The following UGT1A5 variants were observed in gnomAD, a reference collection of about 807,000 sequenced individuals.
UGT1A5 encodes UDP-glucuronosyltransferase 1A5.
Under a neutral mutation model 40.3 loss-of-function variants are expected in UGT1A5, and 29 were observed. The ratio of observed to expected loss-of-function variants is 0.72; its 90% CI spans 0.54 to 0.98. The LOEUF is 0.98. Ranked by LOEUF, UGT1A5 falls within the 50% of genes least tolerant of loss-of-function variation. UGT1A5 has a pLI of 0.00. For synonymous variants in UGT1A5, 257 were observed against 262.5 expected (o/e 0.98, Z 0.20); for missense variants, 678 against 677.9 (o/e 1.00, Z 0.00).
intron 1 of UGT1A5, chr2:233,753,313 T>C (rs1338043588): frequency 2.0e-5 from 3 of 152,278 alleles, no homozygotes; most frequent in Non-Finnish European, 4.4e-5. Context: ...TGTGCCCCTG[T>C]GGGATGGTGC....
chr2:233,755,207 C>T, intron 1 of UGT1A5: 1 of 1,062,486 alleles, frequency 9.4e-7, no homozygotes, highest in South Asian at 1.2e-5. Flanking sequence ...TGCGGTACGC[C>T]TTCTTGATAC....
At chr2:233,727,757 G>T (rs561921755) in intron 1 of UGT1A5, among the ~76,000 whole-genome samples, 3 of 152,264 alleles carry the variant, frequency 2.0e-5, no homozygotes. Flanking sequence ...TGCTGCCCTT[G>T]AGCTGGGTGT....
At chr2:233,754,204 A>G (rs1695418999) in intron 1 of UGT1A5, 1 of 163,390 alleles carries the variant, frequency 6.1e-6, no homozygotes, top group South Asian at 1.6e-4. Flanking sequence ...AAAACATTGA[A>G]GTCAAATGAT....
At chr2:233,745,083 C>T (rs1426787719) in intron 1 of UGT1A5, among the ~76,000 whole-genome samples, 3 of 151,660 alleles carry the variant, frequency 2.0e-5, no homozygotes, top group East Asian at 3.8e-4. Flanking sequence ...TTTTTCATTG[C>T]TCTTCCCCCC....
In UGT1A5 at chr2:233,747,894, T is replaced by C. The variant is rs576515200; in HGVS notation, c.868-19140T>C. 115 of 1,613,584 alleles carry C rather than the reference T, an allele frequency of 7.1e-5. 5 individuals are homozygous for C. In the South Asian group the frequency reaches 1.2e-3, roughly 17 times the overall value. On this transcript the variant is annotated intron_variant, in intron 1 of 4. Coordinates refer to ENST00000373414, the MANE Select transcript of UGT1A5 (RefSeq NM_019078.2). ...CCTGTCCTACCTTTGCCATGCTCTTTCTGCTCCTTATGCAAGCCTTGCCTC... is the reference window on the plus strand; with the variant it reads ...CCTGTCCTACCTTTGCCATGCTCTTCCTGCTCCTTATGCAAGCCTTGCCTC...
At chr2:233,746,748 A>G in intron 1 of UGT1A5, among the ~76,000 whole-genome samples, 1 of 151,864 alleles carries the variant, frequency 6.6e-6, no homozygotes. Flanking sequence ...GTTCCAAAGC[A>G]GAGATTAATT....
intron 1 of UGT1A5, among the ~76,000 whole-genome samples, chr2:233,744,814 C>G (rs571865422): frequency 1.3e-5 from 2 of 151,886 alleles, no homozygotes; most frequent in Non-Finnish European, 2.9e-5. Flanking sequence ...GATTTCCTGG[C>G]TCATACTTTG....
intron 1 of UGT1A5, 112 bp downstream of exon 1, chr2:233,713,970 T>A (rs2076359096): frequency 3.1e-6 from 5 of 1,600,488 alleles, no homozygotes; most frequent in Non-Finnish European, 4.3e-6. Context: ...ATTTCATTTC[T>A]GCTTCTCATT....
At position 233,772,698 on chromosome 2, in the gene UGT1A5, A is replaced by C; in HGVS notation, c.*139A>C. Reference sequence around the variant, plus strand: ...AATTAATCAGCCCCAGAGTGCTTTAAAAAATTCTCTTAAATAAAAATAATA... The same window carrying C: ...AATTAATCAGCCCCAGAGTGCTTTACAAAATTCTCTTAAATAAAAATAATA... On this transcript the variant is annotated 3_prime_UTR_variant, in exon 5 of 5. Coordinates refer to ENST00000373414, the MANE Select transcript of UGT1A5 (RefSeq NM_019078.2). 6.7e-7 allele frequency: 1 copy of C among 1,482,372 alleles called. No homozygotes were observed. The highest frequency in any genetic ancestry group is 1.4e-5 in the African/African-American group (1 of 70,578). The allele number at this position is 1,482,372 out of a possible 1,614,324, so 91.8% of individuals were successfully genotyped here. A position where few individuals can be genotyped will look rare whatever the true frequency, so the allele number is the denominator to read the frequency against.
chr2:233,716,723 A>T (rs2076521930), intron 1 of UGT1A5, among the ~76,000 whole-genome samples: 1 of 152,160 alleles, frequency 6.6e-6, no homozygotes, highest in African/African-American at 2.4e-5. Context: ...GTTCCAGTTT[A>T]TATGTTTAGC....
intron 1 of UGT1A5, chr2:233,747,692 G>A: frequency 6.2e-7 from 1 of 1,611,132 alleles, no homozygotes; most frequent in Non-Finnish European, 8.5e-7. Context: ...GTGGGGCAGT[G>A]CTGGCTAAGT....
chr2:233,715,511 C>T (rs1206951556), intron 1 of UGT1A5, among the ~76,000 whole-genome samples: 1 of 152,146 alleles, frequency 6.6e-6, no homozygotes, highest in African/African-American at 2.4e-5. Flanking sequence ...GTAGCTCACA[C>T]CTGTAATTTC....
intron 1 of UGT1A5, among the ~76,000 whole-genome samples, chr2:233,715,876 T>C (rs1472420308): frequency 6.6e-6 from 1 of 152,230 alleles, no homozygotes; most frequent in Non-Finnish European, 1.5e-5. Context: ...CTTGTGCCTG[T>C]GGCCCCAGCT....
Position 233,772,900 on chromosome 2 carries a change from C to A in UGT1A5, c.*341C>A. Reference sequence around the variant, plus strand: ...GCGGGATTCAAAGGTGGTCCCACGGCTGCCCCTACTGCAAATGGCAGTTTT... The same window carrying A: ...GCGGGATTCAAAGGTGGTCCCACGGATGCCCCTACTGCAAATGGCAGTTTT... On this transcript the variant is annotated 3_prime_UTR_variant, in exon 5 of 5. Coordinates refer to ENST00000373414, the MANE Select transcript of UGT1A5 (RefSeq NM_019078.2). 2.4e-6 allele frequency: 1 copy of A among 417,126 alleles called. No homozygotes were observed. The highest frequency in any genetic ancestry group is 4.1e-6 in the Non-Finnish European group (1 of 243,572). The allele number at this position is 417,126 out of a possible 1,614,324, so 25.8% of individuals were successfully genotyped here.
intron 1 of UGT1A5, among the ~76,000 whole-genome samples, chr2:233,739,452 G>A (rs115541121): frequency 6.6e-6 from 1 of 152,196 alleles, no homozygotes; most frequent in Non-Finnish European, 1.5e-5. Flanking sequence ...AAGCCACAGG[G>A]TTGGAGCTGC....
chr2:233,766,617 A>C lies in UGT1A5; in HGVS notation c.868-417A>C, dbSNP rs34737611. Reference sequence around the variant, plus strand: ...CCAGGGACCACACCCTCTTCTACCCAGCACTTCCCTTCCCTACTTCCATAT... The same window carrying C: ...CCAGGGACCACACCCTCTTCTACCCCGCACTTCCCTTCCCTACTTCCATAT... On this transcript the variant is annotated intron_variant, in intron 1 of 4. Transcript: ENST00000373414. Among the ~76,000 whole-genome samples, 23 of 152,284 alleles carry C rather than the reference A, an allele frequency of 1.5e-4. No individual in the cohort carries two copies. In the East Asian group the frequency reaches 4.3e-3, roughly 28 times the overall value.
In UGT1A5 at chr2:233,742,646, C is replaced by T. The variant is rs1203522527; in HGVS notation, c.868-24388C>T. 5.3e-5 allele frequency: 8 copies of T among 152,164 alleles called. 1 individual carries two copies. The highest frequency in any genetic ancestry group is 1.2e-4 in the African/African-American group (5 of 41,160). The allele number at this position is 152,164 out of a possible 1,614,324, so 9.4% of individuals were successfully genotyped here. A position where few individuals can be genotyped will look rare whatever the true frequency, so the allele number is the denominator to read the frequency against. On this transcript the variant is annotated intron_variant, in intron 1 of 4. Transcript: ENST00000373414. Reference sequence around the variant, plus strand: ...GCTGAAGACAGTCCTAGTATACCACCGACCAACCATGTAACCCCAAGGTTT... The same window carrying T: ...GCTGAAGACAGTCCTAGTATACCACTGACCAACCATGTAACCCCAAGGTTT...
At chr2:233,737,195 G>A (rs1395224472) in intron 1 of UGT1A5, among the ~76,000 whole-genome samples, 2 of 152,236 alleles carry the variant, frequency 1.3e-5, no homozygotes, top group African/African-American at 4.8e-5. Flanking sequence ...CCCTTGCTGA[G>A]CTGCGGTGGA....
chr2:233,717,440 C>G (rs1261238198), intron 1 of UGT1A5, among the ~76,000 whole-genome samples: 3 of 152,238 alleles, frequency 2.0e-5, no homozygotes, highest in Non-Finnish European at 4.4e-5. Context: ...CTGATGGACG[C>G]ATCCATTCAC....
Sources: allele counts gnomAD v4.1 joint callset (sites outside exome capture counted in the v4.1 genomes callset), GRCh38; gene constraint gnomAD v4.1.1; transcripts MANE v1.5; gene names NCBI Gene and HGNC (gene_info 2026-07-23, HGNC 2026-07-21).